Variants in GNG7 observed in about 807,000 individuals in gnomAD.
GNG7 encodes the protein G protein subunit gamma 7, also known as guanine nucleotide-binding protein G(I)/G(S)/G(O) subunit gamma-7.
In GNG7, 1 loss-of-function variant was observed where a neutral mutation model predicts 4.0. The observed-to-expected ratio is 0.25, with a 90% confidence interval of 0.09 to 1.18. The LOEUF is 1.18. Ranked by LOEUF, GNG7 falls within the 50% of genes most tolerant of loss-of-function variation. The pLI, the probability that GNG7 is intolerant of heterozygous loss-of-function variation, is 0.50. For synonymous variants in GNG7, 34 were observed against 36.9 expected (o/e 0.92, Z 0.29); for missense variants, 86 against 91.9 (o/e 0.94, Z 0.26).
intron 2 of GNG7, among the ~76,000 whole-genome samples, chr19:2,572,658 T>C (rs1286872228): frequency 6.8e-6 from 1 of 147,122 alleles, no homozygotes; most frequent in African/African-American, 2.5e-5. Flanking sequence ...CAGTGGCACC[T>C]CCTTATCTCG....
intron 3 of GNG7, among the ~76,000 whole-genome samples, chr19:2,549,287 G>T (rs1331314147): frequency 7.4e-6 from 1 of 135,734 alleles, no homozygotes; most frequent in African/African-American, 2.8e-5. Context: ...GCTTAAACAG[G>T]GCTGTGTTTT....
intron 2 of GNG7, among the ~76,000 whole-genome samples, chr19:2,559,127 A>AAT (rs61026682): frequency 0.21 from 31,945 of 151,088 alleles, 3,361 homozygotes; most frequent in East Asian, 0.25. Flanking sequence ...AGTCACAAAG[A>AAT]ATATATATAT....
intron 2 of GNG7, among the ~76,000 whole-genome samples, chr19:2,607,740 C>T (rs1443229887): frequency 6.6e-6 from 1 of 152,116 alleles, no homozygotes; most frequent in African/African-American, 2.4e-5. Flanking sequence ...TGCCCTCCGC[C>T]CCCCGCCCCT....
chr19:2,515,506 C>A (rs766642576), intron 4 of GNG7, among the ~76,000 whole-genome samples: 2 of 152,036 alleles, frequency 1.3e-5, no homozygotes, highest in African/African-American at 4.8e-5. Flanking sequence ...CGGCTCACTG[C>A]AACCTCCACC....
At position 2,663,876 on chromosome 19, in the gene GNG7, G is replaced by T. The variant is rs763271533; in HGVS notation, c.-134-17596C>A. 2.9e-4 allele frequency among the ~76,000 whole-genome samples: 44 copies of T among 152,304 alleles called. 1 individual carries two copies. The highest frequency in any genetic ancestry group is 2.9e-4 in the Non-Finnish European group (20 of 68,022). On this transcript the variant is annotated intron_variant, in intron 1 of 4. Transcript: ENST00000382159. Reference sequence around the variant, plus strand: ...CTGGGGCTTGATTATTCTCTGGGGTGGGGCCGTTCTGGGCACTGCACAGTG... The same window carrying T: ...CTGGGGCTTGATTATTCTCTGGGGTTGGGCCGTTCTGGGCACTGCACAGTG...
chr19:2,560,957 A>C (rs1226019673), intron 2 of GNG7, among the ~76,000 whole-genome samples: 1 of 116,770 alleles, frequency 8.6e-6, no homozygotes, highest in Non-Finnish European at 1.9e-5. Flanking sequence ...ACTGTTTCAA[A>C]AAAAAAAAAA....
At chr19:2,689,759 T>C (rs1038483972) in intron 1 of GNG7, among the ~76,000 whole-genome samples, 1 of 151,636 alleles carries the variant, frequency 6.6e-6, no homozygotes, top group Admixed American at 6.6e-5. Context: ...AGTCCCAGCA[T>C]GACCACTAAC....
At chr19:2,652,391 G>A (rs1049549513) in intron 1 of GNG7, among the ~76,000 whole-genome samples, 4 of 151,660 alleles carry the variant, frequency 2.6e-5, no homozygotes, top group Admixed American at 6.6e-5. Flanking sequence ...AGGCCGAGGC[G>A]GGTAAATCAC....
At chr19:2,516,115 G>A (rs1972731789) in intron 4 of GNG7, among the ~76,000 whole-genome samples, 1 of 151,930 alleles carries the variant, frequency 6.6e-6, no homozygotes, top group Non-Finnish European at 1.5e-5. Flanking sequence ...TAACTGGGGG[G>A]CTGAGGCTGG....
In GNG7 at chr19:2,557,025, GCA is replaced by G. The variant is rs61236677; in HGVS notation, c.-77-1839_-77-1838del. 0.5 allele frequency among the ~76,000 whole-genome samples: 75,950 copies of G among 150,576 alleles called. 19,203 individuals carry two copies. The highest frequency in any genetic ancestry group is 0.58 in the Admixed American group (8,753 of 15,092). On this transcript the variant is annotated intron_variant, in intron 2 of 4. Transcript: ENST00000382159. This position sits in a 1 kb window ranked among gnomAD's most constrained non-coding sequence, Gnocchi z 5.1. ...CCCTCCCACCTCTACACACACACACGCACACACAGACACACGCACACTCACAC... is the reference window on the plus strand; with the variant it reads ...CCCTCCCACCTCTACACACACACACGCACACAGACACACGCACACTCACAC...
chr19:2,527,014 T>G (rs1978426757), intron 3 of GNG7, among the ~76,000 whole-genome samples: 1 of 152,008 alleles, frequency 6.6e-6, no homozygotes, highest in Non-Finnish European at 1.5e-5. Context: ...CCGGGCTAAT[T>G]TTTGTATTTT....
intron 1 of GNG7, among the ~76,000 whole-genome samples, chr19:2,693,850 C>T (rs1913187081): frequency 6.6e-6 from 1 of 152,110 alleles, no homozygotes; most frequent in Admixed American, 6.6e-5. Flanking sequence ...AATGAACGCC[C>T]ACATTCTACC....
At chr19:2,640,539 G>A (rs1343737196) in intron 2 of GNG7, among the ~76,000 whole-genome samples, 1 of 152,218 alleles carries the variant, frequency 6.6e-6, no homozygotes, top group Non-Finnish European at 1.5e-5. Flanking sequence ...TCCCAGCACA[G>A]GCTTGGCAAG....
At chr19:2,525,831 T>A (rs1041252210) in intron 3 of GNG7, among the ~76,000 whole-genome samples, 1 of 151,956 alleles carries the variant, frequency 6.6e-6, no homozygotes, top group African/African-American at 2.4e-5. Context: ...TTTTTTTGAG[T>A]CGGAGTCTCG....
intron 2 of GNG7, among the ~76,000 whole-genome samples, chr19:2,564,498 C>T (rs955662536): frequency 1.3e-5 from 2 of 152,112 alleles, no homozygotes; most frequent in Non-Finnish European, 2.9e-5. Context: ...TGCTTGAACC[C>T]AAGAGGCGGA....
At chr19:2,645,247 T>TTTA (rs1027105458) in intron 2 of GNG7, among the ~76,000 whole-genome samples, 2 of 151,014 alleles carry the variant, frequency 1.3e-5, no homozygotes, top group African/African-American at 4.9e-5. Flanking sequence ...CTCTCTCTTT[T>TTTA]TTTTTTTTTT....
In GNG7 at chr19:2,568,289, A is replaced by T. The variant is rs1447112554; in HGVS notation, c.-77-13101T>A. ...TAGAGACACATATAGACTTACACAC[A>T]TATACACACGCACACACATACACAC... On this transcript the variant is annotated intron_variant, in intron 2 of 4. Transcript: ENST00000382159. Among the ~76,000 whole-genome samples the T allele has an allele frequency of 4.1e-5, 3 of 73,966 alleles. No individual in the cohort carries two copies. The Admixed American group carries it at 4.7e-4, about 12-fold the overall frequency. The allele number at this position is 73,966 out of a possible 152,430, so 48.5% of individuals were successfully genotyped here.
chr19:2,526,359 C>A (rs1978396667), intron 3 of GNG7, among the ~76,000 whole-genome samples: 1 of 151,734 alleles, frequency 6.6e-6, no homozygotes, highest in African/African-American at 2.4e-5. Flanking sequence ...CCCGCCTCGA[C>A]CTCCCAAAGT....
intron 2 of GNG7, among the ~76,000 whole-genome samples, chr19:2,605,111 A>G (rs1217947738): frequency 6.6e-6 from 1 of 152,176 alleles, no homozygotes; most frequent in Non-Finnish European, 1.5e-5. Context: ...TGGGGCCTCC[A>G]GGCATCCTCT....
Sources: allele counts gnomAD v4.1 joint callset (sites outside exome capture counted in the v4.1 genomes callset), GRCh38; gene constraint gnomAD v4.1.1; non-coding constraint Gnocchi (gnomAD v3.1); transcripts MANE v1.5; gene names NCBI Gene and HGNC (gene_info 2026-07-23, HGNC 2026-07-21).